Variants in TUT4 observed in about 807,000 individuals in gnomAD.
TUT4 encodes the protein terminal uridylyl transferase 4.
In TUT4, 36 loss-of-function variants were observed where a neutral mutation model predicts 192.2. The ratio of observed to expected loss-of-function variants is 0.19; its 90% CI spans 0.14 to 0.25. The LOEUF (loss-of-function observed/expected upper bound fraction) is 0.25, where lower values mean the gene tolerates loss of function less well. TUT4 is among the 10% of genes least tolerant of loss of function. The pLI is 1.00. For synonymous variants in TUT4, 618 were observed against 666.0 expected (o/e 0.93, Z 1.11); for missense variants, 1,493 against 1,957.2 (o/e 0.76, Z 4.47).
At chr1:52,453,376 C>G (rs538122911) in intron 20 of TUT4, among the ~76,000 whole-genome samples, 1 of 151,174 alleles carries the variant, frequency 6.6e-6, no homozygotes, top group Non-Finnish European at 1.5e-5. Flanking sequence ...GAGCGAAACT[C>G]CGTCTCAAAA....
chr1:52,497,326 TGAACAAAA>T, intron 4 of TUT4, 143 bp from the exon 5 acceptor site: 2 of 818,780 alleles, frequency 2.4e-6, no homozygotes, highest in South Asian at 2.2e-5. Flanking sequence ...AATACGGAAG[TGAACAAAA>T]GACTTCTGCC....
At chr1:52,479,465 G>A (rs1424844023) in intron 11 of TUT4, among the ~76,000 whole-genome samples, 1 of 152,038 alleles carries the variant, frequency 6.6e-6, no homozygotes, top group Non-Finnish European at 1.5e-5. Context: ...GGTAGTGAGA[G>A]GTAATCAAAT....
intron 1 of TUT4, among the ~76,000 whole-genome samples, chr1:52,543,482 ATTTTTT>A (rs60108324): frequency 3.7e-5 from 5 of 134,980 alleles, no homozygotes; most frequent in African/African-American, 1.5e-4. Flanking sequence ...AAAAGACTTA[ATTTTTT>A]TTTTTTTTTT....
chr1:52,537,543 A>C (rs1685263926), intron 1 of TUT4, among the ~76,000 whole-genome samples: 1 of 152,220 alleles, frequency 6.6e-6, no homozygotes. Flanking sequence ...AGGAGACTTC[A>C]ATACCCCACT....
intron 11 of TUT4, among the ~76,000 whole-genome samples, chr1:52,479,050 T>C (rs1667816197): frequency 1.3e-5 from 2 of 151,838 alleles, no homozygotes; most frequent in Admixed American, 1.3e-4. Context: ...CAGGAGAAGG[T>C]TACAGTGTTC....
At chr1:52,425,664 T>C (rs558056586) in intron 28 of TUT4, among the ~76,000 whole-genome samples, 157 bp from the exon 29 acceptor site, 2 of 152,264 alleles carry the variant, frequency 1.3e-5, no homozygotes, top group African/African-American at 2.4e-5. Context: ...GAATAAAGCA[T>C]TGGTATTTGC....
chr1:52,484,879 G>T (rs57663833), intron 9 of TUT4, among the ~76,000 whole-genome samples: 1 of 152,128 alleles, frequency 6.6e-6, no homozygotes, highest in Non-Finnish European at 1.5e-5. Context: ...GCTATTACCC[G>T]TCTGAGCTTA....
rs1310115527 is a variant in TUT4, at chr1:52,480,001, A to G, written c.1848+1422T>C. On this transcript the variant is annotated intron_variant, in intron 11 of 29. Transcript: ENST00000257177. ...CAGAGCGAGACTCCGTCTCAGGAAAAAAAAAAAAAAAAAAAAAAGACTATT... is the reference window on the plus strand; with the variant it reads ...CAGAGCGAGACTCCGTCTCAGGAAAGAAAAAAAAAAAAAAAAAAGACTATT... Among the ~76,000 whole-genome samples, 3 of 150,038 alleles carry G rather than the reference A, an allele frequency of 2.0e-5. No individual in the cohort carries two copies. In the East Asian group the frequency reaches 5.8e-4, roughly 29 times the overall value.
chr1:52,548,782 T>C (rs1174084633), intron 1 of TUT4, among the ~76,000 whole-genome samples: 2 of 152,224 alleles, frequency 1.3e-5, no homozygotes, highest in Non-Finnish European at 2.9e-5. Flanking sequence ...AAGTACAAGA[T>C]GCCTTATGTA....
intron 25 of TUT4, 161 bp from the exon 26 acceptor site, chr1:52,437,139 C>T (rs1654035178): frequency 2.1e-6 from 2 of 948,106 alleles, no homozygotes; most frequent in East Asian, 5.6e-5. Flanking sequence ...GCTCATTTGG[C>T]AGGAACTCGG....
intron 1 of TUT4, among the ~76,000 whole-genome samples, chr1:52,533,650 A>G (rs1398442596): frequency 6.6e-6 from 1 of 152,074 alleles, no homozygotes; most frequent in African/African-American, 2.4e-5. Flanking sequence ...TTGGTGGAAC[A>G]TACCCTCCAG....
intron 1 of TUT4, among the ~76,000 whole-genome samples, chr1:52,527,849 T>C (rs891965418): frequency 2.6e-5 from 4 of 152,046 alleles, no homozygotes; most frequent in Non-Finnish European, 5.9e-5. Flanking sequence ...CTTTGCACTT[T>C]CTGCTCAATT....
intron 3 of TUT4, among the ~76,000 whole-genome samples, chr1:52,513,393 C>CAAAAAAAAAAAAAAAAAAAAAAAAA (rs554170439): frequency 4.7e-5 from 2 of 42,116 alleles, no homozygotes; most frequent in African/African-American, 3.5e-4. Flanking sequence ...GACCCTGTCT[C>CAAAAAAAAAAAAAAAAAAAAAAAAA]AAAAAAAAAA....
At chr1:52,429,248 T>C (rs1557622659) in intron 28 of TUT4, among the ~76,000 whole-genome samples, 1 of 151,374 alleles carries the variant, frequency 6.6e-6, no homozygotes, top group African/African-American at 2.4e-5. Flanking sequence ...CACGCTCAGC[T>C]GATTTTTTGT....
chr1:52,539,441 G>A (rs1166738978), intron 1 of TUT4, among the ~76,000 whole-genome samples: 1 of 152,156 alleles, frequency 6.6e-6, no homozygotes, highest in African/African-American at 2.4e-5. Context: ...AGTCTCACAA[G>A]AGAACGAAGA....
chr1:52,488,051 C>T (rs1364502100), intron 9 of TUT4, among the ~76,000 whole-genome samples: 1 of 152,082 alleles, frequency 6.6e-6, no homozygotes, highest in African/African-American at 2.4e-5. Flanking sequence ...AATACAAAGG[C>T]CTTGAGTATA....
chr1:52,537,973 T>C (rs1685412731), intron 1 of TUT4, among the ~76,000 whole-genome samples: 1 of 152,164 alleles, frequency 6.6e-6, no homozygotes, highest in African/African-American at 2.4e-5. Context: ...TGGCGGCTCA[T>C]GCCTATAATC....
chr1:52,464,933 T>G, intron 16 of TUT4, 137 bp downstream of exon 16: 1 of 574,108 alleles, frequency 1.7e-6, no homozygotes. Context: ...ACTGTTTTCA[T>G]ATTTCAAACA....
chr1:52,461,273 A>G, intron 18 of TUT4, 50 bp from the exon 19 acceptor site: 1 of 1,514,096 alleles, frequency 6.6e-7, no homozygotes, highest in Non-Finnish European at 9.0e-7. Flanking sequence ...GTAAAATTAA[A>G]CTACAAATCA....
Sources: gnomAD v4.1 joint callset for allele counts (sites outside exome capture counted in the v4.1 genomes callset) on GRCh38, gnomAD v4.1.1 for gene constraint, MANE v1.5 for transcripts, NCBI Gene and HGNC (gene_info 2026-07-23, HGNC 2026-07-21) for gene names.